NRDC: variants seen among roughly 807,000 people sequenced by gnomAD.
The protein encoded by NRDC is nardilysin.
NRDC carries 54 observed loss-of-function variants against 147.1 expected under a neutral mutation model. The ratio of observed to expected loss-of-function variants is 0.37; its 90% confidence interval spans 0.29 to 0.46. NRDC has a LOEUF of 0.46. Ranked by LOEUF, NRDC falls within the 20% of genes least tolerant of loss-of-function variation. The pLI, the probability that NRDC is intolerant of heterozygous loss-of-function variation, is 1.00. For missense variants in NRDC, 1,082 were observed against 1,370.6 expected (o/e 0.79, Z 3.33); for synonymous variants, 440 against 482.1 (o/e 0.91, Z 1.14).
chr1:51,828,942 AAACTTTT>A, intron 4 of NRDC, among the ~76,000 whole-genome samples: 1 of 152,248 alleles, frequency 6.6e-6, no homozygotes, highest in Non-Finnish European at 1.5e-5. Context: ...CTTCTTTAAA[AAACTTTT>A]AACTTTTGCT....
intron 24 of NRDC, among the ~76,000 whole-genome samples, chr1:51,792,751 G>A (rs1678714882): frequency 1.3e-5 from 2 of 152,328 alleles, no homozygotes; most frequent in Middle Eastern, 6.8e-3. Flanking sequence ...AAGCCCTAAG[G>A]AAGACAGCAG....
At chr1:51,832,890 C>G (rs1680781193) in intron 4 of NRDC, among the ~76,000 whole-genome samples, 1 of 152,168 alleles carries the variant, frequency 6.6e-6, no homozygotes, top group South Asian at 2.1e-4. Context: ...ACTGTCCAAT[C>G]ATATGTAACT....
In NRDC at chr1:51,792,370, C is replaced by T; in HGVS notation, c.2823+7G>A. ...TGAAAACCTCAGCATCTCCTTTATG[C>T]ACTTACCACAAGCAGCTCCATAAGC... is the stretch of plus-strand genomic sequence containing the variant. On this transcript the variant is annotated splice_region_variant and intron_variant, in intron 25 of 30. Coordinates refer to ENST00000352171, the MANE Select transcript of NRDC (RefSeq NM_001101662.2). The T allele has an allele frequency of 6.2e-7, 1 of 1,613,900 alleles. No individual in the cohort carries two copies.
chr1:51,851,384 C>T (rs1464853630), intron 1 of NRDC, among the ~76,000 whole-genome samples: 1 of 151,808 alleles, frequency 6.6e-6, no homozygotes, highest in Non-Finnish European at 1.5e-5. Flanking sequence ...TAATACTTAA[C>T]ACCTGGCCAA....
chr1:51,800,887 C>T (rs576297156), intron 20 of NRDC: 2 of 550,220 alleles, frequency 3.6e-6, no homozygotes, highest in Non-Finnish European at 6.4e-6. Flanking sequence ...GTCACCCAGG[C>T]TGGAGTGCAG....
At chr1:51,852,446 T>C (rs1682001962) in intron 1 of NRDC, among the ~76,000 whole-genome samples, 1 of 128,590 alleles carries the variant, frequency 7.8e-6, no homozygotes, top group African/African-American at 3.1e-5. Context: ...TATAACTATA[T>C]ATATAAAATT....
chr1:51,817,043 T>C (rs1238544867), intron 10 of NRDC, among the ~76,000 whole-genome samples: 1 of 152,230 alleles, frequency 6.6e-6, no homozygotes, highest in Non-Finnish European at 1.5e-5. Flanking sequence ...CTACTGTAAT[T>C]TTGTTAAAGT....
At chr1:51,836,272 T>G in intron 2 of NRDC, 60 bp from the exon 3 acceptor site, 4 of 1,588,248 alleles carry the variant, frequency 2.5e-6, no homozygotes, top group Non-Finnish European at 3.5e-6. Flanking sequence ...AATATTCGCA[T>G]CTTATCTTAA....
chr1:51,834,401 T>C (rs1680850484), intron 3 of NRDC, among the ~76,000 whole-genome samples: 1 of 151,954 alleles, frequency 6.6e-6, no homozygotes, highest in African/African-American at 2.4e-5. Context: ...TGGGTTCAAG[T>C]GATTCTTGAA....
At chr1:51,845,926 G>C (rs183875212) in intron 1 of NRDC, among the ~76,000 whole-genome samples, 1 of 151,694 alleles carries the variant, frequency 6.6e-6, no homozygotes, top group East Asian at 1.9e-4. Context: ...TCTACTTAAT[G>C]AAACAAAATG....
At chr1:51,849,295 G>A (rs1305563350) in intron 1 of NRDC, among the ~76,000 whole-genome samples, 3 of 152,050 alleles carry the variant, frequency 2.0e-5, no homozygotes, top group Non-Finnish European at 4.4e-5. Flanking sequence ...CTATACGGGA[G>A]GCTGAGGCAG....
intron 5 of NRDC, among the ~76,000 whole-genome samples, chr1:51,826,645 G>A (rs1680459848): frequency 1.3e-5 from 2 of 152,126 alleles, no homozygotes. Context: ...CGGGCGCAGT[G>A]GCTCACACCT....
Position 51,795,280 on chromosome 1 carries a change from T to C in NRDC, c.2605-426A>G, listed in dbSNP as rs948551545. 7 of 1,130,506 alleles carry C rather than the reference T, an allele frequency of 6.2e-6. No homozygotes were observed. In the African/African-American group the frequency reaches 9.6e-5, roughly 16 times the overall value. 70.0% of individuals were successfully genotyped at this position (1,130,506 alleles called of 1,614,324 possible). A position where few individuals can be genotyped will look rare whatever the true frequency, so the allele number is the denominator to read the frequency against. Reference sequence around the variant, plus strand: ...CTCTTCCCTTCTTAAGAATTCTGTTTTCTTATCTATAAAATAAGGGATAAA... The same window carrying C: ...CTCTTCCCTTCTTAAGAATTCTGTTCTCTTATCTATAAAATAAGGGATAAA... On this transcript the variant is annotated intron_variant, in intron 22 of 30. Transcript: ENST00000352171.
intron 1 of NRDC, among the ~76,000 whole-genome samples, chr1:51,851,401 A>G (rs1445207266): frequency 1.3e-5 from 2 of 151,924 alleles, no homozygotes; most frequent in African/African-American, 2.4e-5. Context: ...CCAAGGCATT[A>G]AAGGTTTGTC....
At chr1:51,858,807 C>T (rs769124565) in intron 1 of NRDC, among the ~76,000 whole-genome samples, 2 of 152,196 alleles carry the variant, frequency 1.3e-5, no homozygotes, top group Non-Finnish European at 2.9e-5. Context: ...TGGCATTTAA[C>T]TGGCTATCCT....
At chr1:51,790,720 G>A (rs1361074431) in intron 28 of NRDC, 71 bp from the exon 29 acceptor site, 33 of 1,139,232 alleles carry the variant, frequency 2.9e-5, no homozygotes, top group Non-Finnish European at 3.8e-5. Flanking sequence ...ACTGGGCCCT[G>A]TCCAGCCCGG....
chr1:51,869,811 A>ATTT (rs1178428420), intron 1 of NRDC, among the ~76,000 whole-genome samples: 11 of 152,360 alleles, frequency 7.2e-5, no homozygotes, highest in African/African-American at 2.6e-4. Flanking sequence ...ATACAATATC[A>ATTT]GCATACGCAT....
chr1:51,832,987 G>A (rs1039329663), intron 4 of NRDC, among the ~76,000 whole-genome samples: 1 of 152,088 alleles, frequency 6.6e-6, no homozygotes, highest in South Asian at 2.1e-4. Context: ...AAGTTAAAAT[G>A]ATATATCTTG....
rs538209607 is a variant in NRDC, at chr1:51,846,105, T to C, written c.342-5591A>G. On this transcript the variant is annotated intron_variant, in intron 1 of 30. Transcript: ENST00000352171. The stretch of plus-strand genomic sequence containing the variant: ...AAAAACTAGAGATACAAAGATATTT[T>C]ACACTTTATAATTTTTTTTTTTTTG... Among the ~76,000 whole-genome samples, 4 of 151,340 alleles carry C rather than the reference T, an allele frequency of 2.6e-5. No homozygotes were observed. The East Asian group carries it at 5.8e-4, about 22-fold the overall frequency.
Sources: gnomAD v4.1 joint callset for allele counts (sites outside exome capture counted in the v4.1 genomes callset) on GRCh38, gnomAD v4.1.1 for gene constraint, MANE v1.5 for transcripts, NCBI Gene and HGNC (gene_info 2026-07-23, HGNC 2026-07-21) for gene names.